RALB: variants seen among roughly 807,000 people sequenced by gnomAD.
RALB encodes ras-related protein Ral-B.
RALB carries 16 observed loss-of-function variants against 21.3 expected under a neutral mutation model. The observed-to-expected ratio is 0.75, with a 90% CI of 0.51 to 1.14. The LOEUF (loss-of-function observed/expected upper bound fraction) is 1.14. Among genes scored for constraint, RALB ranks in the 50% most tolerant of loss-of-function variants. The pLI is 0.00. For missense variants in RALB, 161 were observed against 256.2 expected (o/e 0.63, Z 2.54); for synonymous variants, 93 against 96.1 (o/e 0.97, Z 0.19).
chr2:120,277,350 C>CATGT (rs35348100), intron 1 of RALB, among the ~76,000 whole-genome samples: 27,605 of 148,902 alleles, frequency 0.19, 3,605 homozygotes, highest in African/African-American at 0.38. Flanking sequence ...AGCATGTGAA[C>CATGT]ATGTGTGTGA....
chr2:120,287,556 G>C (rs1396287156), intron 3 of RALB, among the ~76,000 whole-genome samples: 1 of 152,220 alleles, frequency 6.6e-6, no homozygotes, highest in Non-Finnish European at 1.5e-5. Context: ...CCTGTCCCGA[G>C]CCTTTTGATT....
intron 2 of RALB, among the ~76,000 whole-genome samples, chr2:120,282,779 G>GAT (rs1168125488): frequency 1.3e-5 from 2 of 152,086 alleles, no homozygotes; most frequent in Non-Finnish European, 2.9e-5. Context: ...GAAATGAAGT[G>GAT]ATGTATGTTT....
chr2:120,263,226 C>T (rs7574745), intron 1 of RALB, among the ~76,000 whole-genome samples: 105,615 of 151,626 alleles, frequency 0.7, 37,267 homozygotes, highest in Middle Eastern at 0.81. Context: ...TGGAGTGCAG[C>T]GGTGAGATCA....
chr2:120,282,480 A>G (rs951242357), intron 2 of RALB, among the ~76,000 whole-genome samples: 2 of 88,672 alleles, frequency 2.3e-5, no homozygotes, highest in Non-Finnish European at 4.0e-5. Flanking sequence ...CTCCATCTCA[A>G]AAAAAAAAAG....
upstream of RALB, among the ~76,000 whole-genome samples, chr2:120,251,267 G>A (rs1234527273): frequency 2.0e-5 from 3 of 152,152 alleles, no homozygotes; most frequent in Non-Finnish European, 2.9e-5. Context: ...GGCTGCACGC[G>A]GTCACACTTG....
At chr2:120,270,966 A>G (rs1689649762) in intron 1 of RALB, among the ~76,000 whole-genome samples, 1 of 152,148 alleles carries the variant, frequency 6.6e-6, no homozygotes, top group Non-Finnish European at 1.5e-5. Flanking sequence ...CAGGTGTGTA[A>G]TGTTTGACTG....
chr2:120,276,233 C>T (rs1382719747), intron 1 of RALB, among the ~76,000 whole-genome samples: 1 of 152,210 alleles, frequency 6.6e-6, no homozygotes, highest in African/African-American at 2.4e-5. Context: ...GCTTCCTTAT[C>T]TATGTTTGTA....
intron 1 of RALB, among the ~76,000 whole-genome samples, chr2:120,257,848 G>A (rs1331172306): frequency 6.6e-6 from 1 of 152,154 alleles, no homozygotes; most frequent in Non-Finnish European, 1.5e-5. Flanking sequence ...GATAGCTGAT[G>A]CTATTGTTAG....
chr2:120,259,380 A>G lies in RALB; in HGVS notation c.-48+6400A>G, dbSNP rs901712489. Among the ~76,000 whole-genome samples the G allele has an allele frequency of 3.9e-5, 6 of 152,248 alleles. No homozygotes were observed. The South Asian group carries it at 8.3e-4, about 21-fold the overall frequency. On this transcript the variant is annotated intron_variant, in intron 1 of 4. Transcript: ENST00000272519. ...AGGTTCTCCACGTCCCCATCAGATT[A>G]GTTAGATACAGAGTTTCCACACACA...
chr2:120,283,767 T>C (rs1217279320), intron 2 of RALB, among the ~76,000 whole-genome samples: 1 of 152,220 alleles, frequency 6.6e-6, no homozygotes, highest in Non-Finnish European at 1.5e-5. Flanking sequence ...CTCTTGGGCA[T>C]CTGAAACTGA....
chr2:120,285,427 C>T (rs944225616), intron 2 of RALB, among the ~76,000 whole-genome samples: 6 of 152,228 alleles, frequency 3.9e-5, no homozygotes, highest in South Asian at 2.1e-4. Context: ...TTTATACTTC[C>T]GTTATGAATA....
At chr2:120,266,045 A>G (rs1689494209) in intron 1 of RALB, among the ~76,000 whole-genome samples, 1 of 152,208 alleles carries the variant, frequency 6.6e-6, no homozygotes, top group Admixed American at 6.5e-5. Flanking sequence ...ATATATTAAA[A>G]TAAGCTTCCA....
chr2:120,289,638 A>G lies in RALB; in HGVS notation c.382A>G (p.Asn128Asp). Residue 128 changes from asparagine to aspartate, a missense_variant, in exon 4 of 5, where the codon AAC becomes GAC. Transcript: ENST00000272519. ...EDKIPLLVVG[N>D]KSDLEERRQV... is the part of the protein sequence containing the mutation. ...TAAAATTCCACTGCTCGTCGTGGGA[A>G]ACAAGTCTGACCTAGAGGAGCGGAG... is the stretch of plus-strand genomic sequence containing the variant. 6.2e-7 allele frequency: 1 copy of G among 1,614,190 alleles called. No individual in the cohort carries two copies. The highest frequency in any genetic ancestry group is 1.1e-5 in the South Asian group (1 of 91,086).
At chr2:120,291,739 G>A (rs907425463) in intron 4 of RALB, among the ~76,000 whole-genome samples, 1 of 152,162 alleles carries the variant, frequency 6.6e-6, no homozygotes, top group Non-Finnish European at 1.5e-5. Flanking sequence ...ATTTGAAACT[G>A]TTCACTGTTG....
chr2:120,287,699 G>T (rs1362021039), intron 3 of RALB, among the ~76,000 whole-genome samples: 1 of 152,226 alleles, frequency 6.6e-6, no homozygotes, highest in Non-Finnish European at 1.5e-5. Flanking sequence ...ATAGCACTCG[G>T]GCGTTCTCAC....
chr2:120,275,460 C>T (rs1689769469), intron 1 of RALB, among the ~76,000 whole-genome samples: 2 of 152,206 alleles, frequency 1.3e-5, no homozygotes, highest in Non-Finnish European at 1.5e-5. Flanking sequence ...TGAGGATCAC[C>T]TGGGAATCTT....
rs983267085 is a variant in RALB, at chr2:120,240,201, A to G, written c.19+76A>G. On this transcript the variant is annotated intron_variant, in intron 1 of 3. Transcript: ENST00000447591. ...TTGTGACTTGCCTGTTGTTATCCTC[A>G]TTTGCCAAAGGAAGCTCAGAGAGGT... is the stretch of plus-strand genomic sequence containing the variant. 1.0e-5 allele frequency: 13 copies of G among 1,270,374 alleles called. No individual in the cohort carries two copies. The African/African-American group carries it at 1.8e-4, about 18-fold the overall frequency. The allele number at this position is 1,270,374 out of a possible 1,614,324, so 78.7% of individuals were successfully genotyped here.
chr2:120,255,585 A>G (rs1689181232), intron 1 of RALB, among the ~76,000 whole-genome samples: 1 of 152,220 alleles, frequency 6.6e-6, no homozygotes, highest in African/African-American at 2.4e-5. Flanking sequence ...CCAGTAGGCA[A>G]GAGGGTTGAT....
At chr2:120,249,324 C>T (rs1196975075), upstream of RALB, among the ~76,000 whole-genome samples, 1 of 152,162 alleles carries the variant, frequency 6.6e-6, no homozygotes, top group Admixed American at 6.5e-5. Context: ...TGAGCCACCG[C>T]GCCCGTCCGT....
Sources: allele counts gnomAD v4.1 joint callset (sites outside exome capture counted in the v4.1 genomes callset), GRCh38; gene constraint gnomAD v4.1.1; transcripts MANE v1.5; gene names NCBI Gene and HGNC (gene_info 2026-07-23, HGNC 2026-07-21).